The following ATXN3 variants were observed in gnomAD, a reference collection of about 807,000 sequenced individuals.
ATXN3 encodes ataxin 3, also known as ataxin-3.
A neutral mutation model predicts 58.2 loss-of-function variants in ATXN3; 28 were observed. The ratio of observed to expected loss-of-function variants is 0.48; its 90% CI spans 0.36 to 0.66. The LOEUF is 0.66. Ranked by LOEUF, ATXN3 falls within the 30% of genes least tolerant of loss-of-function variation. The pLI is 0.00. For missense variants in ATXN3, 321 were observed against 422.1 expected (o/e 0.76, Z 2.10); for synonymous variants, 113 against 138.5 (o/e 0.82, Z 1.29).
At chr14:92,091,901 C>T (rs2063917242) in intron 5 of ATXN3, among the ~76,000 whole-genome samples, 1 of 151,666 alleles carries the variant, frequency 6.6e-6, no homozygotes, top group Admixed American at 6.6e-5. Context: ...TGTGCCATTG[C>T]CCAGGCTGGT....
intron 3 of ATXN3, among the ~76,000 whole-genome samples, chr14:92,095,346 C>T (rs1425105599): frequency 2.0e-5 from 3 of 151,968 alleles, no homozygotes; most frequent in Non-Finnish European, 4.4e-5. Flanking sequence ...CTGGTTCAAG[C>T]GATTCTCCTG....
At chr14:92,102,028 C>T (rs1414227223) in intron 1 of ATXN3, among the ~76,000 whole-genome samples, 1 of 151,950 alleles carries the variant, frequency 6.6e-6, no homozygotes, top group Non-Finnish European at 1.5e-5. Flanking sequence ...TGGCACATGC[C>T]TATAGTCCCA....
intron 1 of ATXN3, among the ~76,000 whole-genome samples, chr14:92,101,453 T>C (rs1037147301): frequency 3.9e-5 from 6 of 152,360 alleles, no homozygotes; most frequent in African/African-American, 9.6e-5. Context: ...CGTAAGATTA[T>C]GCATTTTCCT....
intron 1 of ATXN3, 103 bp downstream of exon 1, chr14:92,106,425 TG>T: frequency 2.7e-6 from 4 of 1,466,058 alleles, no homozygotes; most frequent in Non-Finnish European, 3.8e-6. Flanking sequence ...GAGATCGGCA[TG>T]GGGGCGACTC....
At chr14:92,069,692 A>G (rs1419720486) in intron 10 of ATXN3, among the ~76,000 whole-genome samples, 1 of 152,048 alleles carries the variant, frequency 6.6e-6, no homozygotes, top group African/African-American at 2.4e-5. Flanking sequence ...ATTTGATATA[A>G]GTTTTTATGT....
intron 5 of ATXN3, among the ~76,000 whole-genome samples, chr14:92,089,400 G>A (rs1424815073): frequency 4.4e-5 from 6 of 136,812 alleles, no homozygotes; most frequent in Non-Finnish European, 6.2e-5. Context: ...GTGCAGTGGC[G>A]CGATCTCGGC....
chr14:92,102,928 A>T (rs1416412436), intron 1 of ATXN3, among the ~76,000 whole-genome samples: 1 of 152,206 alleles, frequency 6.6e-6, no homozygotes, highest in Non-Finnish European at 1.5e-5. Context: ...GATGGCTAAA[A>T]TCCAGCAATC....
intron 9 of ATXN3, among the ~76,000 whole-genome samples, chr14:92,076,498 T>C (rs2060408861): frequency 6.6e-6 from 1 of 151,626 alleles, no homozygotes; most frequent in South Asian, 2.1e-4. Flanking sequence ...AAGTTTCATA[T>C]TTTTAATCCA....
At chr14:92,049,155 G>GT (rs1034921523) in intron 1 of ATXN3, among the ~76,000 whole-genome samples, 38 of 152,284 alleles carry the variant, frequency 2.5e-4, no homozygotes, top group Admixed American at 2.5e-3. Context: ...AGTTGAAGAG[G>GT]TTTTAAGTTC....
chr14:92,063,981 G>T lies in ATXN3; in HGVS notation c.*339C>A. 6.2e-6 allele frequency: 1 copy of T among 162,426 alleles called. No homozygotes were observed. The highest frequency in any genetic ancestry group is 1.3e-5 in the Non-Finnish European group (1 of 74,802). The allele number at this position is 162,426 out of a possible 1,614,324, so 10.1% of individuals were successfully genotyped here. ...AAAGAAAACAAACTATATGGAAAAA[G>T]CCTGAGGCGAGAGCTAATTAGCTAG... On this transcript the variant is annotated 3_prime_UTR_variant, in exon 11 of 11. Coordinates refer to ENST00000644486, the MANE Select transcript of ATXN3 (RefSeq NM_004993.6).
intron 8 of ATXN3, 42 bp from the exon 9 acceptor site, chr14:92,081,103 T>G (rs1452067169): frequency 7.5e-7 from 1 of 1,335,256 alleles, no homozygotes; most frequent in Non-Finnish European, 1.1e-6. Context: ...ATCACTGTAT[T>G]TACCAATTCA....
At position 92,062,826 on chromosome 14, in the gene ATXN3, T is replaced by C. The variant is rs1458652894; in HGVS notation, c.*1494A>G. 6.6e-6 allele frequency: 1 copy of C among 152,606 alleles called. No individual in the cohort carries two copies. The highest frequency in any genetic ancestry group is 1.5e-5 in the Non-Finnish European group (1 of 68,028). The allele number at this position is 152,606 out of a possible 1,614,324, so 9.5% of individuals were successfully genotyped here. ...CAATAAATCCTAGATCAAAAAACTT[T>C]CCCTGATAAAATGTGTGCAGCCACA... On this transcript the variant is annotated 3_prime_UTR_variant, in exon 11 of 11. Transcript: ENST00000644486.
chr14:92,079,969 C>T (rs1179116252), intron 9 of ATXN3, among the ~76,000 whole-genome samples: 1 of 152,034 alleles, frequency 6.6e-6, no homozygotes, highest in Non-Finnish European at 1.5e-5. Context: ...AATTCCTGAC[C>T]TCAGGTGATC....
chr14:92,066,647 A>T (rs1595499713), intron 10 of ATXN3, among the ~76,000 whole-genome samples: 1 of 127,192 alleles, frequency 7.9e-6, no homozygotes, highest in African/African-American at 3.0e-5. Context: ...TCGCTCTGTC[A>T]CCCAGGCTGG....
Position 92,064,138 on chromosome 14 carries a change from T to C in ATXN3, c.*182A>G, listed in dbSNP as rs1001215606. On this transcript the variant is annotated 3_prime_UTR_variant, in exon 11 of 11. Coordinates refer to ENST00000644486, the MANE Select transcript of ATXN3 (RefSeq NM_004993.6). The stretch of plus-strand genomic sequence containing the variant: ...TGCTGAATGCCTCTTTGGCTAATAT[T>C]TGGAAGATCATTATTTAGTCCTACA... 1.2e-5 allele frequency: 5 copies of C among 420,374 alleles called. No homozygotes were observed. Among genetic ancestry groups the C allele is most frequent in the Non-Finnish European group, 2.1e-5 (5 of 232,640 alleles). 26.0% of individuals were successfully genotyped at this position (420,374 alleles called of 1,614,324 possible).
rs373284826 is a variant in ATXN3 at position 92,071,079 on chromosome 14, T to C, written c.873-26A>G. On this transcript the variant is annotated intron_variant, in intron 9 of 10. Coordinates refer to ENST00000644486, the MANE Select transcript of ATXN3 (RefSeq NM_004993.6). Reference sequence around the variant, plus strand: ...CTGAAACATTCAAAAGTGAAGTATATTTAAAAAACAAAACTTAAAAGAATA... The same window carrying C: ...CTGAAACATTCAAAAGTGAAGTATACTTAAAAAACAAAACTTAAAAGAATA... The C allele has an allele frequency of 5.1e-5, 65 of 1,283,772 alleles. No individual in the cohort carries two copies. In the African/African-American group the frequency reaches 1.2e-3, roughly 24 times the overall value. The allele number at this position is 1,283,772 out of a possible 1,614,324, so 79.5% of individuals were successfully genotyped here. A position where few individuals can be genotyped will look rare whatever the true frequency, so the allele number is the denominator to read the frequency against.
rs150544020 is a variant in ATXN3, at chr14:92,047,573, G to A, written n.276+323C>T. Among the ~76,000 whole-genome samples, 814 of 152,232 alleles carry A rather than the reference G, an allele frequency of 5.3e-3. 5 individuals are homozygous for A. Among genetic ancestry groups the A allele is most frequent in the Non-Finnish European group, 8.9e-3 (606 of 68,014 alleles). Reference sequence around the variant, plus strand: ...CTTGTGGGTTAAGGTTGGGGGATACGAGAGGAAGAGGCGAAGGAGGCTTTG... The same window carrying A: ...CTTGTGGGTTAAGGTTGGGGGATACAAGAGGAAGAGGCGAAGGAGGCTTTG... On this transcript the variant is annotated intron_variant and non_coding_transcript_variant, in intron 2 of 2. Transcript: ENST00000564606.
At chr14:92,077,725 A>C (rs936453177) in intron 9 of ATXN3, 3 of 151,858 alleles carry the variant, frequency 2.0e-5, no homozygotes, top group Admixed American at 6.6e-5. Flanking sequence ...GGCTCACTGC[A>C]ACCTCCACCT....
chr14:92,100,584 T>A (rs1385992947), intron 1 of ATXN3, among the ~76,000 whole-genome samples: 1 of 152,004 alleles, frequency 6.6e-6, no homozygotes, highest in African/African-American at 2.4e-5. Context: ...TGGATAAATT[T>A]CTCAAACAAT....
Sources: allele counts gnomAD v4.1 joint callset (sites outside exome capture counted in the v4.1 genomes callset), GRCh38; gene constraint gnomAD v4.1.1; transcripts MANE v1.5; gene names NCBI Gene and HGNC (gene_info 2026-07-23, HGNC 2026-07-21).